The following DHX15 variants were observed in gnomAD, a reference collection of about 807,000 sequenced individuals.
DHX15 encodes the protein DEAH-box helicase 15.
In DHX15, 11 loss-of-function variants were observed where a neutral mutation model predicts 94.4. The observed-to-expected ratio is 0.12, with a 90% CI of 0.07 to 0.19. The LOEUF is 0.19. Among genes scored for constraint, DHX15 ranks in the 10% least tolerant of loss-of-function variants. The pLI is 1.00. For missense variants in DHX15, 304 were observed against 988.5 expected (o/e 0.31, Z 9.29); for synonymous variants, 338 against 329.9 (o/e 1.02, Z -0.27).
At chr4:24,552,444 C>CT (rs1721629215) in intron 5 of DHX15, among the ~76,000 whole-genome samples, 4 of 152,182 alleles carry the variant, frequency 2.6e-5, no homozygotes, top group Non-Finnish European at 4.4e-5. Context: ...CTCTCTCCCT[C>CT]CCAAATTAAC....
rs1435636021 is a variant in DHX15 at position 24,583,338 on chromosome 4, TGTAA to T, written c.71+981_71+984del. Among the ~76,000 whole-genome samples, 4 of 152,340 alleles carry T rather than the reference TGTAA, an allele frequency of 2.6e-5. No individual in the cohort carries two copies. The East Asian group carries it at 5.8e-4, about 22-fold the overall frequency. On this transcript the variant is annotated intron_variant, in intron 1 of 13. Coordinates refer to ENST00000336812, the MANE Select transcript of DHX15 (RefSeq NM_001358.3). ...AGGAATCTGGAACACCAAGAGTTTGTGTAAGTATTTCAACTCTCAACCTCCACAT... is the reference window on the plus strand; with the variant it reads ...AGGAATCTGGAACACCAAGAGTTTGTGTATTTCAACTCTCAACCTCCACAT...
intron 5 of DHX15, 130 bp downstream of exon 5, chr4:24,554,595 A>T (rs1236572065): frequency 1.0e-5 from 7 of 675,482 alleles, no homozygotes; most frequent in Non-Finnish European, 1.5e-5. Flanking sequence ...TATATATTTT[A>T]CATATTAATA....
At chr4:24,534,706 A>G (rs1721158623) in intron 11 of DHX15, among the ~76,000 whole-genome samples, 1 of 152,192 alleles carries the variant, frequency 6.6e-6, no homozygotes, top group Admixed American at 6.5e-5. Context: ...GGTTATTTAC[A>G]TAAATAGTAT....
rs1326882086 is a variant in DHX15, at chr4:24,584,553, A to G, written c.-160T>C. Reference sequence around the variant, plus strand: ...AACAGCTAAAATGGCGGCGGCGACGAGGGCTGGGCCTGCGCGCGCGCGCGC... The same window carrying G: ...AACAGCTAAAATGGCGGCGGCGACGGGGGCTGGGCCTGCGCGCGCGCGCGC... On this transcript the variant is annotated 5_prime_UTR_variant, in exon 1 of 14. Transcript: ENST00000336812. 12 of 682,220 alleles carry G rather than the reference A, an allele frequency of 1.8e-5. No homozygotes were observed. The East Asian group carries it at 3.8e-4, about 21-fold the overall frequency. The allele number at this position is 682,220 out of a possible 1,614,324, so 42.3% of individuals were successfully genotyped here.
chr4:24,547,727 G>T (rs370352724), intron 6 of DHX15, among the ~76,000 whole-genome samples: 1 of 151,330 alleles, frequency 6.6e-6, no homozygotes, highest in African/African-American at 2.4e-5. Flanking sequence ...CAGGAGGGGG[G>T]ACTGATTGAA....
In DHX15 at chr4:24,537,316, T is replaced by C; in HGVS notation, c.1787-143A>G. ...GCCTCCAACTGCATCTTGGATTGTT[T>C]ACTACCTTGATTTGGTACATCAACA... is the stretch of plus-strand genomic sequence containing the variant. On this transcript the variant is annotated intron_variant, in intron 10 of 13. Coordinates refer to ENST00000336812, the MANE Select transcript of DHX15 (RefSeq NM_001358.3). This position sits in a 1 kb window ranked among gnomAD's most constrained non-coding sequence, Gnocchi z 4.7. 9.3e-7 allele frequency: 1 copy of C among 1,073,044 alleles called. No individual in the cohort carries two copies. Among genetic ancestry groups the C allele is most frequent in the Non-Finnish European group, 1.3e-6 (1 of 766,960 alleles). The allele number at this position is 1,073,044 out of a possible 1,614,324, so 66.5% of individuals were successfully genotyped here.
chr4:24,536,968 TAAATC>T (rs1721212243), intron 11 of DHX15, 78 bp downstream of exon 11: 8 of 1,432,182 alleles, frequency 5.6e-6, no homozygotes, highest in Non-Finnish European at 6.5e-6. Context: ...TCACGGATAA[TAAATC>T]AAAGTGGGAC....
At chr4:24,556,163 A>T in intron 4 of DHX15, 88 bp downstream of exon 4, 1 of 1,041,296 alleles carries the variant, frequency 9.6e-7, no homozygotes, top group Non-Finnish European at 1.4e-6. Context: ...GTGATTTCTT[A>T]CAGTTGGTTA....
intron 6 of DHX15, among the ~76,000 whole-genome samples, chr4:24,547,909 A>C (rs71618538): frequency 1.2e-5 from 1 of 83,368 alleles, no homozygotes; most frequent in African/African-American, 4.8e-5. Context: ...ATGTGTATAT[A>C]TATATATATA....
At chr4:24,551,885 C>T (rs569574660) in intron 5 of DHX15, among the ~76,000 whole-genome samples, 4 of 152,152 alleles carry the variant, frequency 2.6e-5, no homozygotes, top group Non-Finnish European at 5.9e-5. Flanking sequence ...CTTTGTGATT[C>T]CAGTATTTTA....
In DHX15 at chr4:24,576,570, C is replaced by T. The variant is rs1722271638; in HGVS notation, c.180G>A (p.Glu60=). 11 of 1,614,016 alleles carry T rather than the reference C, an allele frequency of 6.8e-6. No individual in the cohort carries two copies. The highest frequency in any genetic ancestry group is 9.3e-6 in the Non-Finnish European group (11 of 1,180,046). The change falls in exon 2 of 14, where the codon GAG becomes GAA. Residue 60 remains glutamate (E), a synonymous_variant. Transcript: ENST00000336812. ...EREREKEKEK[E]LRASTNAMLI... Reference sequence around the variant, plus strand: ...GCATAGCATTTGTTGAAGCTCGCAACTCCTTCTCCTTTTCTTTCTCCCTCT... The same window carrying T: ...GCATAGCATTTGTTGAAGCTCGCAATTCCTTCTCCTTTTCTTTCTCCCTCT...
rs1328437364 is a variant in DHX15 at position 24,556,432 on chromosome 4, G to A, written c.702-22C>T. 4.5e-6 allele frequency: 7 copies of A among 1,572,550 alleles called. No homozygotes were observed. The South Asian group carries it at 4.8e-5, about 11-fold the overall frequency. On this transcript the variant is annotated intron_variant, in intron 3 of 13. Coordinates refer to ENST00000336812, the MANE Select transcript of DHX15 (RefSeq NM_001358.3). Reference sequence around the variant, plus strand: ...ATACCTATATTCCAAAGAACATGTTGGTTAAAGGTTCCGTTAGGTCATTTT... The same window carrying A: ...ATACCTATATTCCAAAGAACATGTTAGTTAAAGGTTCCGTTAGGTCATTTT...
chr4:24,567,669 C>G lies in DHX15; in HGVS notation c.701+2985G>C, dbSNP rs113072462. On this transcript the variant is annotated intron_variant, in intron 3 of 13. Transcript: ENST00000336812. The stretch of plus-strand genomic sequence containing the variant: ...ACCAGAAGCCAACAACCTCTCCTTC[C>G]TTACATCAAAATGAATCAAGGTATT... Among the ~76,000 whole-genome samples the G allele has an allele frequency of 3.2e-3, 481 of 152,234 alleles. 2 individuals are homozygous for G. Among genetic ancestry groups the G allele is most frequent in the Non-Finnish European group, 5.5e-3 (375 of 68,016 alleles).
intron 3 of DHX15, among the ~76,000 whole-genome samples, chr4:24,557,187 A>T (rs1721757761): frequency 6.6e-6 from 1 of 152,156 alleles, no homozygotes; most frequent in Non-Finnish European, 1.5e-5. Context: ...TCAAGATTGT[A>T]TAACTTTGCA....
intron 3 of DHX15, among the ~76,000 whole-genome samples, chr4:24,560,947 G>C (rs1244439544): frequency 6.6e-6 from 1 of 152,150 alleles, no homozygotes; most frequent in Non-Finnish European, 1.5e-5. Flanking sequence ...AGTTGGCAAG[G>C]GTAAAGAAAC....
At chr4:24,547,903 G>GTATATA (rs869194543) in intron 6 of DHX15, among the ~76,000 whole-genome samples, 9 of 70,740 alleles carry the variant, frequency 1.3e-4, no homozygotes, top group African/African-American at 5.4e-4. Context: ...GTATGTATGT[G>GTATATA]TATATATATA....
intron 1 of DHX15, among the ~76,000 whole-genome samples, chr4:24,583,807 G>A (rs143405098): frequency 2.0e-3 from 303 of 151,708 alleles, no homozygotes; most frequent in African/African-American, 7.1e-3. Flanking sequence ...CCTACATTAT[G>A]ATCCACGCGC....
At chr4:24,533,458 T>G (rs1295262940) in intron 11 of DHX15, 2 of 234,240 alleles carry the variant, frequency 8.5e-6, no homozygotes, top group East Asian at 1.9e-4. Flanking sequence ...AAACAATTGT[T>G]GTGTATTGTT....
chr4:24,565,892 T>A (rs533389571), intron 3 of DHX15, among the ~76,000 whole-genome samples: 10 of 152,196 alleles, frequency 6.6e-5, no homozygotes, highest in African/African-American at 1.9e-4. Context: ...ACCAGCTCCA[T>A]CTTTTGAAAA....
Sources: allele counts gnomAD v4.1 joint callset (sites outside exome capture counted in the v4.1 genomes callset), GRCh38; gene constraint gnomAD v4.1.1; non-coding constraint Gnocchi (gnomAD v3.1); transcripts MANE v1.5; gene names NCBI Gene and HGNC (gene_info 2026-07-23, HGNC 2026-07-21).